CACNA1S: variants seen among roughly 807,000 people sequenced by gnomAD.
CACNA1S encodes the protein voltage-dependent L-type calcium channel subunit alpha-1S.
In CACNA1S, 126 loss-of-function variants were observed where a neutral mutation model predicts 207.4. That is an observed-to-expected ratio of 0.61 (90% CI 0.53 to 0.70). CACNA1S has a LOEUF of 0.70. CACNA1S is among the 30% of genes least tolerant of loss of function. The probability of loss-of-function intolerance (pLI) is 0.00; values close to 1 mark genes in which losing one functional copy is unlikely to be tolerated. For missense variants in CACNA1S, 2,349 were observed against 2,422.8 expected, an observed-to-expected ratio of 0.97 and a Z score of 0.64; for synonymous variants, 960 against 932.7, an observed-to-expected ratio of 1.03 and a Z score of -0.53.
rs1478627368 is a variant in CACNA1S at position 201,039,748 on chromosome 1, G to A, written c.*83C>T. On this transcript the variant is annotated 3_prime_UTR_variant, in exon 44 of 44. Coordinates refer to ENST00000362061, the MANE Select transcript of CACNA1S (RefSeq NM_000069.3). Reference sequence around the variant, plus strand: ...TGAGAGGGAGGGAGGCTGCTGCGGTGGGCTAGCCCTTCTCCACCCCAGCAA... The same window carrying A: ...TGAGAGGGAGGGAGGCTGCTGCGGTAGGCTAGCCCTTCTCCACCCCAGCAA... The A allele has an allele frequency of 6.4e-7, 1 of 1,573,942 alleles. No homozygotes were observed. The highest frequency in any genetic ancestry group is 1.1e-5 in the South Asian group (1 of 90,066).
In CACNA1S at chr1:201,083,213, A is replaced by G. The variant is rs1447161585; in HGVS notation, c.1342T>C (p.Ser448Pro). The change falls in exon 10 of 44, where the codon TCT becomes CCT. Residue 448 changes from serine (S) to proline (P), a missense_variant. Physicochemically the swap from Ser to Pro is moderately conservative, Grantham distance 74. Coordinates refer to ENST00000362061, the MANE Select transcript of CACNA1S (RefSeq NM_000069.3). ...VILIVALNTL[S>P]IASEHHNQPL... ...TGGTTGTGGTGCTCTGAGGCGATAG[A>G]CAGGGTGTTGAGGGCAACGATGAGA... 1 of 1,614,214 alleles carries G rather than the reference A, an allele frequency of 6.2e-7. No homozygotes were observed. The highest frequency in any genetic ancestry group is 1.7e-5 in the Admixed American group (1 of 60,026).
chr1:201,095,935 C>A (rs1349799504), intron 2 of CACNA1S, among the ~76,000 whole-genome samples: 4 of 152,178 alleles, frequency 2.6e-5, no homozygotes, highest in Non-Finnish European at 5.9e-5. Context: ...TCAGGCACAC[C>A]ATTAAGGAAA....
At chr1:201,060,589 A>ATTCATC in intron 26 of CACNA1S, 69 bp downstream of exon 26, 1 of 1,551,146 alleles carries the variant, frequency 6.4e-7, no homozygotes, top group South Asian at 1.1e-5. Flanking sequence ...ATCCTGCCCT[A>ATTCATC]CTCATCCTGC....
At chr1:201,088,791 A>C (rs1203024964) in intron 6 of CACNA1S, among the ~76,000 whole-genome samples, 1 of 152,228 alleles carries the variant, frequency 6.6e-6, no homozygotes, top group East Asian at 1.9e-4. Flanking sequence ...TGTGCCGGGC[A>C]CTGTTGTAAT....
intron 29 of CACNA1S, among the ~76,000 whole-genome samples, chr1:201,054,020 C>G (rs1306038011): frequency 1.3e-5 from 2 of 152,198 alleles, no homozygotes; most frequent in African/African-American, 4.8e-5. Context: ...CTTGGCTGCT[C>G]TATTGCCACA....
At chr1:201,060,963 C>A in intron 25 of CACNA1S, 147 bp from the exon 26 acceptor site, 1 of 1,035,706 alleles carries the variant, frequency 9.7e-7, no homozygotes, top group Non-Finnish European at 1.5e-6. Flanking sequence ...GGGAATAATC[C>A]TGTTGGGCTT....
rs112978990 is a variant in CACNA1S at position 201,042,489 on chromosome 1, C to T, written c.5048+792G>A. ...TCACATAACATATCACCCAACAAGA[C>T]GACAACCCCCTTCAGGGCAGGGCCC... On this transcript the variant is annotated intron_variant, in intron 40 of 43. Transcript: ENST00000362061. Among the ~76,000 whole-genome samples the T allele has an allele frequency of 6.6e-3, 999 of 152,350 alleles. 9 individuals are homozygous for T. Among genetic ancestry groups the T allele is most frequent in the African/African-American group, 0.023 (944 of 41,582 alleles).
chr1:201,060,898 C>T, intron 25 of CACNA1S, 82 bp from the exon 26 acceptor site: 2 of 1,553,474 alleles, frequency 1.3e-6, no homozygotes, highest in Non-Finnish European at 1.8e-6. Flanking sequence ...GATTGACGGG[C>T]AAGTCAGGAG....
At chr1:201,078,628 A>G (rs1169258546) in intron 10 of CACNA1S, among the ~76,000 whole-genome samples, 1 of 151,846 alleles carries the variant, frequency 6.6e-6, no homozygotes, top group African/African-American at 2.4e-5. Context: ...ATTCTACTGA[A>G]GTTCATTAAG....
intron 2 of CACNA1S, among the ~76,000 whole-genome samples, chr1:201,094,887 C>T (rs1662361491): frequency 6.6e-6 from 1 of 152,030 alleles, no homozygotes; most frequent in African/African-American, 2.4e-5. Flanking sequence ...TCCTTGGCCC[C>T]ATCACCTTTC....
At chr1:201,097,624 G>T (rs1483595882) in intron 2 of CACNA1S, among the ~76,000 whole-genome samples, 4 of 152,138 alleles carry the variant, frequency 2.6e-5, no homozygotes, top group African/African-American at 7.2e-5. Flanking sequence ...CTTCCTTGAG[G>T]CCACGTCATC....
rs779669978 is a variant in CACNA1S, at chr1:201,053,169, C to T, written c.3861+40G>A. 2 of 1,613,144 alleles carry T rather than the reference C, an allele frequency of 1.2e-6. No homozygotes were observed. Among genetic ancestry groups the T allele is most frequent in the Non-Finnish European group, 1.7e-6 (2 of 1,179,250 alleles). ...TCCACTGATGCCCCCTCTAACTTGG[C>T]CAAGATCCATGCTTTGGCCTGGGCC... On this transcript the variant is annotated intron_variant, in intron 31 of 43. Transcript: ENST00000362061. This position sits in a 1 kb window ranked among gnomAD's most constrained non-coding sequence, Gnocchi z 5.1.
intron 34 of CACNA1S, 56 bp downstream of exon 34, chr1:201,050,333 C>A (rs144201552): frequency 5.0e-6 from 8 of 1,599,410 alleles, no homozygotes; most frequent in Non-Finnish European, 6.9e-6. Context: ...CCCTGTGAGA[C>A]GGTAGGAAGG....
At chr1:201,095,121 G>GGTGT (rs55654000) in intron 2 of CACNA1S, among the ~76,000 whole-genome samples, 3,310 of 148,802 alleles carry the variant, frequency 0.022, 95 homozygotes, top group African/African-American at 0.067. Flanking sequence ...AGCTCCAGGA[G>GGTGT]GTGTGTGTGT....
Position 201,057,206 on chromosome 1 carries a change from A to T in CACNA1S, c.3609+1202T>A, listed in dbSNP as rs541015623. ...GCCCCTGCCTTCTCTCTCTTACCTCATCTCCACCACTCTCTCCTCCAGCTA... is the reference window on the plus strand; with the variant it reads ...GCCCCTGCCTTCTCTCTCTTACCTCTTCTCCACCACTCTCTCCTCCAGCTA... On this transcript the variant is annotated intron_variant, in intron 28 of 43. Coordinates refer to ENST00000362061, the MANE Select transcript of CACNA1S (RefSeq NM_000069.3). 2.8e-4 allele frequency among the ~76,000 whole-genome samples: 42 copies of T among 151,938 alleles called. No individual in the cohort carries two copies. In the East Asian group the frequency reaches 8.0e-3, roughly 29 times the overall value.
chr1:201,044,596 T>G (rs1660412701), intron 38 of CACNA1S, 140 bp from the exon 39 acceptor site: 1 of 946,190 alleles, frequency 1.1e-6, no homozygotes, highest in Non-Finnish European at 1.6e-6. Context: ...CTGTAACCTC[T>G]GCTTCCCGGG....
intron 25 of CACNA1S, 73 bp from the exon 26 acceptor site, chr1:201,060,889 A>T: frequency 6.3e-7 from 1 of 1,580,680 alleles, no homozygotes; most frequent in Admixed American, 1.7e-5. Flanking sequence ...CATCCATGGG[A>T]TTGACGGGCA....
intron 43 of CACNA1S, 24 bp from the exon 44 acceptor site, chr1:201,040,106 G>C: frequency 3.7e-6 from 6 of 1,613,650 alleles, no homozygotes; most frequent in Non-Finnish European, 5.1e-6. Context: ...AGTAGGCTGA[G>C]TGGGGTCTTC....
In CACNA1S at chr1:201,070,301, GCTGGCTT is replaced by G. The variant is rs2102132473; in HGVS notation, c.2324_2330del (p.Glu775AlafsTer51). 1 of 1,614,082 alleles carries G rather than the reference GCTGGCTT, an allele frequency of 6.2e-7. No homozygotes were observed. The highest frequency in any genetic ancestry group is 8.5e-7 in the Non-Finnish European group (1 of 1,180,034). The stretch of plus-strand genomic sequence containing the variant: ...TGGTGGGGCTGAAGATGAAGAAGGA[GCTGGCTT>G]CTGGAATGGGCACGGCCTTCTCTTT... On this transcript the variant is annotated frameshift_variant, in exon 17 of 44. Coordinates refer to ENST00000362061, the MANE Select transcript of CACNA1S (RefSeq NM_000069.3). LOFTEE classifies it high-confidence loss of function.
Sources: allele counts gnomAD v4.1 joint callset (sites outside exome capture counted in the v4.1 genomes callset), GRCh38; gene constraint gnomAD v4.1.1; non-coding constraint Gnocchi (gnomAD v3.1); transcripts MANE v1.5; gene names NCBI Gene and HGNC (gene_info 2026-07-23, HGNC 2026-07-21).